Variants in DLG2 observed in about 807,000 individuals in gnomAD.
DLG2 encodes disks large homolog 2.
DLG2 carries 45 observed loss-of-function variants against 132.5 expected under a neutral mutation model. The observed-to-expected ratio is 0.34, with a 90% CI of 0.27 to 0.44. The LOEUF (loss-of-function observed/expected upper bound fraction) is 0.44, where lower values mean the gene tolerates loss of function less well. DLG2 is among the 20% of genes least tolerant of loss of function. The probability of loss-of-function intolerance (pLI) is 1.00; values close to 1 mark genes in which losing one functional copy is unlikely to be tolerated. For missense variants in DLG2, 1,045 were observed against 1,196.9 expected, an observed-to-expected ratio of 0.87 and a Z score of 1.87; for synonymous variants, 424 against 419.6, an observed-to-expected ratio of 1.01 and a Z score of -0.13.
At chr11:84,039,864 C>T (rs1218701097) in intron 11 of DLG2, among the ~76,000 whole-genome samples, 2 of 148,284 alleles carry the variant, frequency 1.3e-5, no homozygotes, top group South Asian at 4.5e-4. Context: ...TATCTCTCCA[C>T]ATCCTCTCCA....
intron 6 of DLG2, among the ~76,000 whole-genome samples, chr11:84,667,086 G>A (rs2099700480): frequency 6.6e-6 from 1 of 152,038 alleles, no homozygotes; most frequent in Non-Finnish European, 1.5e-5. Context: ...TATCCGTTAT[G>A]TGAGTGTTAG....
At chr11:85,497,382 G>A (rs1389780921) in intron 3 of DLG2, among the ~76,000 whole-genome samples, 2 of 151,678 alleles carry the variant, frequency 1.3e-5, no homozygotes, top group Non-Finnish European at 2.9e-5. Context: ...TATAGAAAAA[G>A]GAGTGAAAAG....
intron 3 of DLG2, among the ~76,000 whole-genome samples, chr11:85,343,239 A>AT (rs2082617026): frequency 6.6e-6 from 1 of 151,954 alleles, no homozygotes; most frequent in South Asian, 2.1e-4. Context: ...ATTATTTCCC[A>AT]TTTTTTCCCA....
Position 83,833,773 on chromosome 11 carries a change from GC to G in DLG2, c.1566-4del. The G allele has an allele frequency of 6.2e-7, 1 of 1,613,130 alleles. No individual in the cohort carries two copies. Among genetic ancestry groups the G allele is most frequent in the South Asian group, 1.1e-5 (1 of 90,976 alleles). ...GCAGGACTACCTTGCGAGGCTCTCT[GC>G]AGAAAGAAATAGAGAACACAGCTCA... On this transcript the variant is annotated splice_region_variant and splice_polypyrimidine_tract_variant and intron_variant, in intron 16 of 27. Coordinates refer to ENST00000376104, the MANE Select transcript of DLG2 (RefSeq NM_001142699.3).
chr11:85,098,727 T>G (rs193006775), intron 6 of DLG2, among the ~76,000 whole-genome samples: 9 of 152,342 alleles, frequency 5.9e-5, no homozygotes, highest in African/African-American at 1.4e-4. Flanking sequence ...GAAATAGCCT[T>G]CAAGATCAAT....
chr11:83,963,137 T>A (rs7952093), intron 13 of DLG2, 114 bp from the exon 14 acceptor site: 135,120 of 1,173,012 alleles, frequency 0.12, 9,255 homozygotes, highest in African/African-American at 0.27. Context: ...CATGCCAAGG[T>A]TTTTCTTGTC....
At chr11:83,800,666 T>TA (rs35829222) in intron 17 of DLG2, among the ~76,000 whole-genome samples, 69,064 of 151,710 alleles carry the variant, frequency 0.46, 15,950 homozygotes, top group Middle Eastern at 0.6. Context: ...GGCTTATAGT[T>TA]AAAAAAAATT....
chr11:84,029,762 C>T (rs575046804), intron 11 of DLG2, among the ~76,000 whole-genome samples: 27 of 152,174 alleles, frequency 1.8e-4, no homozygotes, highest in African/African-American at 5.8e-4. Context: ...TCTGTTCTGA[C>T]CATGCTCTTT....
chr11:83,622,441 A>C (rs2061785034), intron 19 of DLG2, among the ~76,000 whole-genome samples: 1 of 152,046 alleles, frequency 6.6e-6, no homozygotes, highest in Non-Finnish European at 1.5e-5. Flanking sequence ...AATGATCACA[A>C]CTCATTAGGG....
intron 6 of DLG2, among the ~76,000 whole-genome samples, chr11:84,550,357 C>G (rs553107365): frequency 1.3e-5 from 2 of 152,194 alleles, no homozygotes; most frequent in East Asian, 1.9e-4. Flanking sequence ...CCATCTTACC[C>G]AAATTCTACT....
At chr11:85,199,642 T>C (rs1263244104) in intron 4 of DLG2, among the ~76,000 whole-genome samples, 2 of 152,228 alleles carry the variant, frequency 1.3e-5, no homozygotes, top group Non-Finnish European at 2.9e-5. Context: ...CTTATGAAGA[T>C]GGCTAGTTGA....
chr11:84,631,555 G>A (rs2099632199), intron 6 of DLG2, among the ~76,000 whole-genome samples: 1 of 152,068 alleles, frequency 6.6e-6, no homozygotes, highest in Non-Finnish European at 1.5e-5. Context: ...GTGATCAAAT[G>A]AGATGACAGT....
At chr11:84,115,242 A>C (rs761679553) in intron 9 of DLG2, among the ~76,000 whole-genome samples, 1 of 152,222 alleles carries the variant, frequency 6.6e-6, no homozygotes, top group Non-Finnish European at 1.5e-5. Context: ...CACTGGGCTC[A>C]AAATCTATTC....
chr11:85,338,701 A>ATTTT (rs35378658), intron 3 of DLG2, among the ~76,000 whole-genome samples: 3 of 83,574 alleles, frequency 3.6e-5, no homozygotes, highest in Admixed American at 1.4e-4. Context: ...TGTATAAATA[A>ATTTT]TTTTTTTTTT....
At chr11:84,765,268 C>T (rs962313675) in intron 6 of DLG2, among the ~76,000 whole-genome samples, 1 of 152,090 alleles carries the variant, frequency 6.6e-6, no homozygotes. Flanking sequence ...CCTGTTTCTA[C>T]ACCTGCATCA....
intron 12 of DLG2, among the ~76,000 whole-genome samples, chr11:83,975,892 T>C (rs2092131825): frequency 6.6e-6 from 1 of 151,948 alleles, no homozygotes; most frequent in East Asian, 1.9e-4. Flanking sequence ...ATTTTAATGA[T>C]ACTTATTACC....
intron 18 of DLG2, among the ~76,000 whole-genome samples, chr11:83,709,354 TATAC>T (rs2084850851): frequency 6.8e-6 from 1 of 147,820 alleles, no homozygotes; most frequent in African/African-American, 2.5e-5. Flanking sequence ...ATATAATATA[TATAC>T]ACACACACAC....
intron 6 of DLG2, among the ~76,000 whole-genome samples, chr11:84,905,407 T>C (rs2091390368): frequency 6.6e-6 from 1 of 152,184 alleles, no homozygotes; most frequent in African/African-American, 2.4e-5. Context: ...CAATAGACTC[T>C]ATGACTTAAC....
intron 7 of DLG2, among the ~76,000 whole-genome samples, chr11:84,430,939 T>G (rs981928769): frequency 2.2e-4 from 34 of 152,162 alleles, no homozygotes; most frequent in African/African-American, 8.0e-4. Flanking sequence ...CACAAGCCTC[T>G]AAGAAAGGGA....
Sources: gnomAD v4.1 joint callset for allele counts (sites outside exome capture counted in the v4.1 genomes callset) on GRCh38, gnomAD v4.1.1 for gene constraint, MANE v1.5 for transcripts, NCBI Gene and HGNC (gene_info 2026-07-23, HGNC 2026-07-21) for gene names.